The following TMCC1 variants were observed in gnomAD, a reference collection of about 807,000 sequenced individuals.
TMCC1 encodes the protein transmembrane and coiled-coil domain family 1.
A neutral mutation model predicts 52.4 loss-of-function variants in TMCC1; 15 were observed. That is an observed-to-expected ratio of 0.29 (90% CI 0.19 to 0.44). The LOEUF (loss-of-function observed/expected upper bound fraction) is 0.44, where lower values mean the gene tolerates loss of function less well. TMCC1 is among the 20% of genes least tolerant of loss of function. The pLI is 1.00. For synonymous variants in TMCC1, 279 were observed against 301.9 expected, an observed-to-expected ratio of 0.92 and a Z score of 0.79; for missense variants, 503 against 806.0, an observed-to-expected ratio of 0.62 and a Z score of 4.55.
At chr3:129,851,785 C>T (rs1308630865) in intron 2 of TMCC1, among the ~76,000 whole-genome samples, 1 of 152,184 alleles carries the variant, frequency 6.6e-6, no homozygotes, top group Non-Finnish European at 1.5e-5. Flanking sequence ...TACCTATACA[C>T]CCTCACAGCA....
At chr3:129,750,468 G>C (rs1007687459) in intron 4 of TMCC1, among the ~76,000 whole-genome samples, 1 of 151,334 alleles carries the variant, frequency 6.6e-6, no homozygotes. Context: ...CTGGGATTAC[G>C]GGCATGAGCC....
At chr3:129,667,755 A>C (rs2087585805) in intron 5 of TMCC1, among the ~76,000 whole-genome samples, 1 of 152,206 alleles carries the variant, frequency 6.6e-6, no homozygotes, top group Non-Finnish European at 1.5e-5. Context: ...CACTAAATGG[A>C]TTCAAAGGTG....
rs566364493 is a variant in TMCC1, at chr3:129,876,943, C to A, written c.-184+3366G>T. Among the ~76,000 whole-genome samples, 5 of 152,108 alleles carry A rather than the reference C, an allele frequency of 3.3e-5. No homozygotes were observed. The East Asian group carries it at 9.7e-4, about 29-fold the overall frequency. On this transcript the variant is annotated intron_variant, in intron 2 of 6. Transcript: ENST00000393238. ...CTGCACTCCAGCCTGGACAACAGAG[C>A]GAGACTCCATCTCAAAATAAATAAA... is the stretch of plus-strand genomic sequence containing the variant.
chr3:129,811,537 G>T (rs973703935), intron 4 of TMCC1, among the ~76,000 whole-genome samples: 1 of 152,078 alleles, frequency 6.6e-6, no homozygotes, highest in Admixed American at 6.5e-5. Flanking sequence ...CAAAGTGCTG[G>T]GATTAGGGGC....
intron 4 of TMCC1, among the ~76,000 whole-genome samples, chr3:129,774,223 A>G (rs1252334396): frequency 6.6e-6 from 1 of 152,198 alleles, no homozygotes; most frequent in African/African-American, 2.4e-5. Context: ...TCATGTGGAA[A>G]AGACTTATGG....
intron 2 of TMCC1, among the ~76,000 whole-genome samples, chr3:129,852,617 G>C (rs1395521981): frequency 6.6e-6 from 1 of 152,136 alleles, no homozygotes; most frequent in Non-Finnish European, 1.5e-5. Flanking sequence ...GAGATGGCTG[G>C]TCCTGATGGT....
chr3:129,747,507 C>G (rs899614716), intron 4 of TMCC1, among the ~76,000 whole-genome samples: 5 of 151,992 alleles, frequency 3.3e-5, no homozygotes, highest in African/African-American at 9.7e-5. Flanking sequence ...CACAATATTC[C>G]TATCTAATAC....
intron 2 of TMCC1, among the ~76,000 whole-genome samples, chr3:129,863,240 A>G (rs932096923): frequency 6.6e-6 from 1 of 152,218 alleles, no homozygotes; most frequent in Non-Finnish European, 1.5e-5. Flanking sequence ...GTGGATCAAA[A>G]GATCTGGAAA....
At chr3:129,727,353 G>A (rs192867768) in intron 4 of TMCC1, among the ~76,000 whole-genome samples, 1 of 152,236 alleles carries the variant, frequency 6.6e-6, no homozygotes. Context: ...ATAGTGCTAT[G>A]TGAGGTTTTT....
At chr3:129,862,427 C>T (rs1377871061) in intron 2 of TMCC1, among the ~76,000 whole-genome samples, 1 of 152,108 alleles carries the variant, frequency 6.6e-6, no homozygotes, top group Non-Finnish European at 1.5e-5. Context: ...GGGTGCATGA[C>T]ATACAGATAC....
intron 2 of TMCC1, among the ~76,000 whole-genome samples, chr3:129,876,375 C>T (rs550865794): frequency 2.4e-4 from 37 of 151,968 alleles, no homozygotes; most frequent in African/African-American, 8.2e-4. Context: ...TTTAAAGTGC[C>T]TTTCAGCCCT....
intron 4 of TMCC1, among the ~76,000 whole-genome samples, chr3:129,682,439 A>G (rs2089067827): frequency 6.6e-6 from 1 of 152,220 alleles, no homozygotes; most frequent in Non-Finnish European, 1.5e-5. Context: ...TTAAATATTT[A>G]TTAAGATTTA....
At chr3:129,752,714 A>G (rs2107658453) in intron 4 of TMCC1, among the ~76,000 whole-genome samples, 1 of 152,194 alleles carries the variant, frequency 6.6e-6, no homozygotes, top group South Asian at 2.1e-4. Flanking sequence ...TAAGTACCAA[A>G]TGTCTAAATG....
intron 4 of TMCC1, among the ~76,000 whole-genome samples, chr3:129,707,051 G>A (rs542507413): frequency 1.6e-4 from 25 of 152,166 alleles, no homozygotes; most frequent in Non-Finnish European, 3.1e-4. Flanking sequence ...ACTGGGCAGC[G>A]TAGAAATAGG....
chr3:129,752,978 C>T (rs1365424260), intron 4 of TMCC1, among the ~76,000 whole-genome samples: 1 of 152,048 alleles, frequency 6.6e-6, no homozygotes, highest in Non-Finnish European at 1.5e-5. Context: ...GGGGAGGTGC[C>T]ACACACTTTG....
At chr3:129,664,231 T>C (rs1414163625) in intron 5 of TMCC1, among the ~76,000 whole-genome samples, 1 of 152,220 alleles carries the variant, frequency 6.6e-6, no homozygotes, top group African/African-American at 2.4e-5. Context: ...CGTCTGGAGA[T>C]TCTCAGATCA....
intron 2 of TMCC1, among the ~76,000 whole-genome samples, chr3:129,872,377 A>G (rs1469466413): frequency 6.6e-6 from 1 of 152,204 alleles, no homozygotes; most frequent in African/African-American, 2.4e-5. Flanking sequence ...ATGGGAGCTT[A>G]ATAGATATAC....
intron 2 of TMCC1, among the ~76,000 whole-genome samples, chr3:129,866,178 T>C (rs2060618864): frequency 6.6e-6 from 1 of 150,822 alleles, no homozygotes; most frequent in Non-Finnish European, 1.5e-5. Flanking sequence ...CATTATGCTT[T>C]AGAGACTTCA....
rs557639441 is a variant in TMCC1, at chr3:129,778,569, T to C, written c.576+49234A>G. On this transcript the variant is annotated intron_variant, in intron 4 of 6. Transcript: ENST00000393238. ...TTTAAAGGAAGAAAGAATGGTGATA[T>C]GGTCTGGCTGTGTGTCCCCAATCCA... Among the ~76,000 whole-genome samples, 10 of 151,982 alleles carry C rather than the reference T, an allele frequency of 6.6e-5. No individual in the cohort carries two copies. The East Asian group carries it at 1.7e-3, about 27-fold the overall frequency.
Sources: allele counts gnomAD v4.1 joint callset (sites outside exome capture counted in the v4.1 genomes callset), GRCh38; gene constraint gnomAD v4.1.1; transcripts MANE v1.5; gene names NCBI Gene and HGNC (gene_info 2026-07-23, HGNC 2026-07-21).